PTPRD: variants seen among roughly 807,000 people sequenced by gnomAD.
PTPRD encodes protein tyrosine phosphatase receptor type D, also known as receptor-type tyrosine-protein phosphatase delta.
PTPRD carries 34 observed loss-of-function variants against 214.5 expected under a neutral mutation model. The ratio of observed to expected loss-of-function variants is 0.16; its 90% CI spans 0.12 to 0.21. PTPRD has a LOEUF of 0.21. Ranked by LOEUF, PTPRD falls within the 10% of genes least tolerant of loss-of-function variation. The pLI is 1.00. For missense variants in PTPRD, 2,545 were observed against 2,398.7 expected, an observed-to-expected ratio of 1.06 and a Z score of -1.27; for synonymous variants, 1,128 against 845.7, an observed-to-expected ratio of 1.33 and a Z score of -5.79.
chr9:10,354,640 G>T (rs923621542), intron 2 of PTPRD, among the ~76,000 whole-genome samples: 7 of 152,070 alleles, frequency 4.6e-5, no homozygotes, highest in African/African-American at 1.7e-4. Flanking sequence ...TTTGTATTAA[G>T]AACTTGTTTT....
In PTPRD at chr9:9,111,458, G is replaced by A. The variant is rs951408520; in HGVS notation, c.-143+71846C>T. ...GTCCTCACTTTGGATGTGGTCAGTC[G>A]TGATTCAGGTAGCACTGGAACACCA... On this transcript the variant is annotated intron_variant, in intron 10 of 45. Transcript: ENST00000381196. Among the ~76,000 whole-genome samples, 51 of 151,812 alleles carry A rather than the reference G, an allele frequency of 3.4e-4. 2 individuals carry two copies. Among genetic ancestry groups the A allele is most frequent in the Admixed American group, 3.2e-3 (49 of 15,196 alleles).
intron 3 of PTPRD, among the ~76,000 whole-genome samples, chr9:10,119,988 T>G (rs1023841171): frequency 2.0e-5 from 3 of 152,056 alleles, no homozygotes; most frequent in African/African-American, 4.8e-5. Context: ...TTGTACAAGC[T>G]ACATAAATTG....
At chr9:8,346,692 T>C (rs72710309) in intron 39 of PTPRD, among the ~76,000 whole-genome samples, 28,318 of 152,040 alleles carry the variant, frequency 0.19, 3,266 homozygotes, top group East Asian at 0.35. Flanking sequence ...CTTATTTTAC[T>C]TGATGGCCCC....
rs533828440 is a variant in PTPRD, at chr9:9,711,594, T to G, written c.-287+22939A>C. Among the ~76,000 whole-genome samples, 5 of 152,272 alleles carry G rather than the reference T, an allele frequency of 3.3e-5. No individual in the cohort carries two copies. The South Asian group carries it at 1.0e-3, about 32-fold the overall frequency. On this transcript the variant is annotated intron_variant, in intron 7 of 45. Coordinates refer to ENST00000381196, the MANE Select transcript of PTPRD (RefSeq NM_002839.4). ...GTATACTATTTCTATTGGAGCTATG[T>G]CCACTTTATTCCAGTGGTTCTCAAC...
At chr9:9,683,898 T>C (rs183608788) in intron 7 of PTPRD, among the ~76,000 whole-genome samples, 63 of 151,858 alleles carry the variant, frequency 4.1e-4, no homozygotes, top group African/African-American at 1.4e-3. Context: ...ATTCTAATTT[T>C]ATAGTAATTA....
intron 14 of PTPRD, among the ~76,000 whole-genome samples, chr9:8,584,877 G>A (rs1346017861): frequency 2.0e-5 from 3 of 152,142 alleles, no homozygotes; most frequent in Admixed American, 6.5e-5. Flanking sequence ...GTCCTTCTTC[G>A]CATGGCAGTG....
At chr9:10,113,697 G>C (rs1010385733) in intron 3 of PTPRD, among the ~76,000 whole-genome samples, 7 of 152,098 alleles carry the variant, frequency 4.6e-5, no homozygotes, top group African/African-American at 1.7e-4. Context: ...AACACCAAAT[G>C]GGGTAATTTA....
intron 11 of PTPRD, among the ~76,000 whole-genome samples, chr9:8,755,021 AC>A (rs982147975): frequency 6.6e-6 from 1 of 152,106 alleles, no homozygotes; most frequent in African/African-American, 2.4e-5. Context: ...CTCCACACTC[AC>A]CAGAATAATT....
At chr9:10,210,578 G>A (rs1004816425) in intron 3 of PTPRD, among the ~76,000 whole-genome samples, 1 of 151,182 alleles carries the variant, frequency 6.6e-6, no homozygotes, top group Non-Finnish European at 1.5e-5. Flanking sequence ...TCAATAAAGT[G>A]ACTCATGTCA....
chr9:9,430,395 T>A (rs202207492), intron 8 of PTPRD, among the ~76,000 whole-genome samples: 4,532 of 142,506 alleles, frequency 0.032, 100 homozygotes, highest in Middle Eastern at 0.12. Flanking sequence ...GCTCAACAAA[T>A]TAAAAGAGGA....
At chr9:9,261,715 G>C (rs1405885906) in intron 9 of PTPRD, among the ~76,000 whole-genome samples, 1 of 151,292 alleles carries the variant, frequency 6.6e-6, no homozygotes, top group East Asian at 2.0e-4. Context: ...CACTGTAATG[G>C]AAATAATAAA....
chr9:9,116,655 C>T (rs904392693), intron 10 of PTPRD, among the ~76,000 whole-genome samples: 3 of 152,008 alleles, frequency 2.0e-5, no homozygotes, highest in African/African-American at 7.3e-5. Flanking sequence ...CTCATGCACC[C>T]AAAAACCTTT....
At chr9:9,405,051 A>G (rs995060370) in intron 8 of PTPRD, among the ~76,000 whole-genome samples, 5 of 152,020 alleles carry the variant, frequency 3.3e-5, no homozygotes, top group Admixed American at 1.3e-4. Context: ...TGATTTGTCA[A>G]TTTTAACCAG....
intron 27 of PTPRD, among the ~76,000 whole-genome samples, chr9:8,489,230 A>C (rs1030902455): frequency 6.6e-6 from 1 of 152,198 alleles, no homozygotes; most frequent in Non-Finnish European, 1.5e-5. Context: ...TGTGGGAGTT[A>C]AAGCTTAGGA....
chr9:9,601,328 G>C (rs572137997), intron 7 of PTPRD, among the ~76,000 whole-genome samples: 44 of 152,038 alleles, frequency 2.9e-4, no homozygotes, highest in Non-Finnish European at 5.7e-4. Flanking sequence ...GACACTGATA[G>C]TTGCTAATTT....
At chr9:9,660,268 C>A (rs764164351) in intron 7 of PTPRD, among the ~76,000 whole-genome samples, 6 of 151,924 alleles carry the variant, frequency 3.9e-5, no homozygotes, top group African/African-American at 1.2e-4. Context: ...GAGTGGAGGA[C>A]TGACATGGCT....
intron 4 of PTPRD, among the ~76,000 whole-genome samples, chr9:9,956,297 A>C (rs904991418): frequency 2.7e-5 from 4 of 148,908 alleles, no homozygotes; most frequent in African/African-American, 7.4e-5. Flanking sequence ...AAAAAAAAAA[A>C]CTCTACCAAA....
intron 7 of PTPRD, among the ~76,000 whole-genome samples, chr9:9,701,980 A>T (rs4740985): frequency 0.36 from 55,375 of 151,774 alleles, 11,120 homozygotes; most frequent in East Asian, 0.72. Flanking sequence ...TTAGCCAGGC[A>T]TGGTGGTGCA....
chr9:8,439,688 C>T (rs1044251126), intron 34 of PTPRD, among the ~76,000 whole-genome samples: 6 of 152,044 alleles, frequency 3.9e-5, no homozygotes, highest in South Asian at 2.1e-4. Flanking sequence ...CAAGGATCTA[C>T]TTCAAAATAT....
Sources: gnomAD v4.1 joint callset for allele counts (sites outside exome capture counted in the v4.1 genomes callset) on GRCh38, gnomAD v4.1.1 for gene constraint, MANE v1.5 for transcripts, NCBI Gene and HGNC (gene_info 2026-07-23, HGNC 2026-07-21) for gene names.